SOX10: variants seen among roughly 807,000 people sequenced by gnomAD.
SOX10 encodes the protein transcription factor SOX-10.
In SOX10, 3 loss-of-function variants were observed where a neutral mutation model predicts 35.0. The observed-to-expected ratio is 0.09, with a 90% CI of 0.04 to 0.22. SOX10 has a LOEUF of 0.22. Among genes scored for constraint, SOX10 ranks in the 10% least tolerant of loss-of-function variants. The pLI is 1.00. For missense variants in SOX10, 436 were observed against 655.1 expected, an observed-to-expected ratio of 0.67 and a Z score of 3.65; for synonymous variants, 285 against 291.0, an observed-to-expected ratio of 0.98 and a Z score of 0.21.
intron 2 of SOX10, among the ~76,000 whole-genome samples, chr22:37,979,312 G>A (rs553949889): frequency 6.6e-6 from 1 of 151,960 alleles, no homozygotes; most frequent in Non-Finnish European, 1.5e-5. Flanking sequence ...TGGCCAGGCT[G>A]GTCTCCAACT....
rs927034516 is a variant in SOX10, at chr22:37,974,315, T to C, written c.698-117A>G. On this transcript the variant is annotated intron_variant, in intron 3 of 3. Transcript: ENST00000396884. The surrounding 1 kb of genome is among the most constrained non-coding windows in gnomAD (Gnocchi z 5.4). ...GCAGCGGGTGCCTCTGGGAAAACCTTGTAAGTTTCACATTTTGGCAGCATG... is the reference window on the plus strand; with the variant it reads ...GCAGCGGGTGCCTCTGGGAAAACCTCGTAAGTTTCACATTTTGGCAGCATG... The C allele has an allele frequency of 2.9e-5, 22 of 754,838 alleles. No homozygotes were observed. The highest frequency in any genetic ancestry group is 4.6e-5 in the Non-Finnish European group (21 of 461,478). 46.8% of individuals were successfully genotyped at this position (754,838 alleles called of 1,614,324 possible).
rs1307950608 is a variant in SOX10, at chr22:37,974,115, G to T, written c.781C>A (p.Arg261Ser). 1.2e-5 allele frequency: 19 copies of T among 1,613,192 alleles called. No homozygotes were observed. Among genetic ancestry groups the T allele is most frequent in the Non-Finnish European group, 1.6e-5 (19 of 1,179,990 alleles). The change falls in exon 4 of 4, where the codon CGC becomes AGC. Residue 261 changes from arginine (R) to serine (S), a missense_variant. Physicochemically the swap from Arg to Ser is moderately radical, Grantham distance 110. Coordinates refer to ENST00000396884, the MANE Select transcript of SOX10 (RefSeq NM_006941.4). The surrounding 1 kb of genome is among the most constrained non-coding windows in gnomAD (Gnocchi z 5.4). ...GGCTTCCCGCCCTCCCCCATGGAGC[G>T]CCCGTCCCGCTTCGGGTCTGCCTTG... is the stretch of plus-strand genomic sequence containing the variant. ...SGKADPKRDG[R>S]SMGEGGKPHI... is the part of the protein sequence containing the mutation.
chr22:37,983,815 G>C lies in SOX10; in HGVS notation c.-31C>G, dbSNP rs1412902206. On this transcript the variant is annotated 5_prime_UTR_variant, in exon 2 of 4. Transcript: ENST00000396884. This position sits in a 1 kb window ranked among gnomAD's most constrained non-coding sequence, Gnocchi z 9.5. Reference sequence around the variant, plus strand: ...CCCCGGCCGCCGCCGCCGCCGCCTCGGCCGCCTCCCCCGGGCCAGCCGCCG... The same window carrying C: ...CCCCGGCCGCCGCCGCCGCCGCCTCCGCCGCCTCCCCCGGGCCAGCCGCCG... The C allele has an allele frequency of 2.1e-6, 3 of 1,403,676 alleles. No homozygotes were observed. Among genetic ancestry groups the C allele is most frequent in the Non-Finnish European group, 1.9e-6 (2 of 1,077,118 alleles). The allele number at this position is 1,403,676 out of a possible 1,614,324, so 87.0% of individuals were successfully genotyped here.
rs1932084418 is a variant in SOX10 at position 37,972,312 on chromosome 22, T to C, written c.*1183A>G. 5.2e-6 allele frequency: 6 copies of C among 1,151,354 alleles called. No homozygotes were observed. The highest frequency in any genetic ancestry group is 7.1e-6 in the Non-Finnish European group (6 of 849,982). 71.3% of individuals were successfully genotyped at this position (1,151,354 alleles called of 1,614,324 possible). A position where few individuals can be genotyped will look rare whatever the true frequency, so the allele number is the denominator to read the frequency against. ...GGCCAGGTCAGGCTCACCAAGCAGG[T>C]AACCGGAACCTTTAATTTTATTATG... On this transcript the variant is annotated 3_prime_UTR_variant, in exon 4 of 4. Transcript: ENST00000396884.
At position 37,980,417 on chromosome 22, in the gene SOX10, G is replaced by T. The variant is rs1174144156; in HGVS notation, c.429-2282C>A. On this transcript the variant is annotated intron_variant, in intron 2 of 3. Coordinates refer to ENST00000396884, the MANE Select transcript of SOX10 (RefSeq NM_006941.4). This position sits in a 1 kb window ranked among gnomAD's most constrained non-coding sequence, Gnocchi z 4.1. ...AGCAAGAAAGTGACAGGGGCCAGAA[G>T]AGAGAGAGGATTCCAACATCGGATT... 6.6e-6 allele frequency among the ~76,000 whole-genome samples: 1 copy of T among 152,144 alleles called. No homozygotes were observed. The highest frequency in any genetic ancestry group is 1.5e-5 in the Non-Finnish European group (1 of 68,020).
Position 37,983,419 on chromosome 22 carries a change from G to T in SOX10, c.366C>A (p.Leu122=). The T allele has an allele frequency of 6.2e-7, 1 of 1,611,292 alleles. No homozygotes were observed. Among genetic ancestry groups the T allele is most frequent in the Non-Finnish European group, 8.5e-7 (1 of 1,179,180 alleles). Residue 122 remains leucine, a synonymous_variant, in exon 2 of 4, where the codon CTC becomes CTA. Coordinates refer to ENST00000396884, the MANE Select transcript of SOX10 (RefSeq NM_006941.4). This position sits in a 1 kb window ranked among gnomAD's most constrained non-coding sequence, Gnocchi z 9.5. ...MVWAQAARRK[L]ADQYPHLHNA... ...TGTGCAGGTGCGGGTACTGGTCCGCGAGCTTCCTGCGCGCTGCCTGAGCCC... is the reference window on the plus strand; with the variant it reads ...TGTGCAGGTGCGGGTACTGGTCCGCTAGCTTCCTGCGCGCTGCCTGAGCCC...
At chr22:37,979,346 C>T (rs1310521012) in intron 2 of SOX10, among the ~76,000 whole-genome samples, 1 of 152,180 alleles carries the variant, frequency 6.6e-6, no homozygotes, top group African/African-American at 2.4e-5. Flanking sequence ...GATCCACCCG[C>T]CTTGGCCTCC....
rs1932272069 is a variant in SOX10, at chr22:37,977,939, T to G, written c.625A>C (p.Ser209Arg). 1 of 1,612,582 alleles carries G rather than the reference T, an allele frequency of 6.2e-7. No homozygotes were observed. Among genetic ancestry groups the G allele is most frequent in the South Asian group, 1.1e-5 (1 of 91,062 alleles). The change falls in exon 3 of 4, where the codon AGC (serine) becomes CGC (arginine). Residue 209 changes from serine to arginine, a missense_variant. Coordinates refer to ENST00000396884, the MANE Select transcript of SOX10 (RefSeq NM_006941.4). ...GTAAIQAHYK[S>R]AHLDHRHPGE... Reference sequence around the variant, plus strand: ...GGGTGCCGGTGGTCCAAGTGGGCGCTCTTGTAGTGGGCCTGGATGGCGGCG... The same window carrying G: ...GGGTGCCGGTGGTCCAAGTGGGCGCGCTTGTAGTGGGCCTGGATGGCGGCG...
At chr22:37,981,926 A>G (rs372400251) in intron 2 of SOX10, among the ~76,000 whole-genome samples, 3 of 152,268 alleles carry the variant, frequency 2.0e-5, no homozygotes, top group African/African-American at 7.2e-5. Context: ...CAGCAAACAC[A>G]TGGCAAGAAC....
rs764463941 is a variant in SOX10, at chr22:37,973,471, G to C, written c.*24C>G. On this transcript the variant is annotated 3_prime_UTR_variant, in exon 4 of 4. Coordinates refer to ENST00000396884, the MANE Select transcript of SOX10 (RefSeq NM_006941.4). Reference sequence around the variant, plus strand: ...CAGGCTGGGGGCAGGGGCTGGGCGGGGGGTGGTGGCGACAGGGCCCCCTTT... The same window carrying C: ...CAGGCTGGGGGCAGGGGCTGGGCGGCGGGTGGTGGCGACAGGGCCCCCTTT... The C allele has an allele frequency of 1.4e-6, 2 of 1,455,006 alleles. No homozygotes were observed. The highest frequency in any genetic ancestry group is 1.2e-5 in the South Asian group (1 of 81,386). The allele number at this position is 1,455,006 out of a possible 1,614,324, so 90.1% of individuals were successfully genotyped here.
intron 2 of SOX10, among the ~76,000 whole-genome samples, chr22:37,981,008 C>T (rs1008236956): frequency 5.3e-5 from 8 of 152,318 alleles, no homozygotes; most frequent in South Asian, 2.1e-4. Context: ...ACAGGCACCA[C>T]CCTGTGATCA....
rs370570177 is a variant in SOX10 at position 37,973,348 on chromosome 22, A to C, written c.*147T>G. 1.3e-5 allele frequency: 8 copies of C among 615,528 alleles called. No homozygotes were observed. The highest frequency in any genetic ancestry group is 8.3e-5 in the East Asian group (3 of 36,206). 38.1% of individuals were successfully genotyped at this position (615,528 alleles called of 1,614,324 possible). On this transcript the variant is annotated 3_prime_UTR_variant, in exon 4 of 4. Coordinates refer to ENST00000396884, the MANE Select transcript of SOX10 (RefSeq NM_006941.4). ...GGGCGGGTGGGTCATCAGGGCAGTG[A>C]GCCAGACAGAAAGCCCCCCGACCTG...
At chr22:37,982,248 T>C (rs913932168) in intron 2 of SOX10, among the ~76,000 whole-genome samples, 1 of 152,088 alleles carries the variant, frequency 6.6e-6, no homozygotes, top group Non-Finnish European at 1.5e-5. Context: ...TGGCCCTGGC[T>C]CTGCTACCAA....
rs1932284539 is a variant in SOX10, at chr22:37,978,219, T to TTGG, written c.429-85_429-84insCCA. The TTGG allele has an allele frequency of 7.2e-7, 1 of 1,392,262 alleles. No individual in the cohort carries two copies. Among genetic ancestry groups the TTGG allele is most frequent in the African/African-American group, 1.4e-5 (1 of 69,044 alleles). The allele number at this position is 1,392,262 out of a possible 1,614,324, so 86.2% of individuals were successfully genotyped here. A position where few individuals can be genotyped will look rare whatever the true frequency, so the allele number is the denominator to read the frequency against. On this transcript the variant is annotated intron_variant, in intron 2 of 3. Transcript: ENST00000396884. The surrounding 1 kb of genome is among the most constrained non-coding windows in gnomAD (Gnocchi z 5.0). ...CTCCAGGTTGGCCTCCCTCTGAGTG[T>TTGG]CCATCTTGGAAGATGTGAGGCCCTG...
At chr22:37,975,046 G>A (rs1932183044) in intron 3 of SOX10, among the ~76,000 whole-genome samples, 2 of 152,160 alleles carry the variant, frequency 1.3e-5, no homozygotes, top group Admixed American at 6.5e-5. Context: ...GGCCTGTGTT[G>A]CCCTGTTGTT....
At chr22:37,981,096 G>A (rs1932381488) in intron 2 of SOX10, among the ~76,000 whole-genome samples, 1 of 152,200 alleles carries the variant, frequency 6.6e-6, no homozygotes, top group Non-Finnish European at 1.5e-5. Context: ...TTAGGACCTG[G>A]GCTCCAGTGT....
rs1932132749 is a variant in SOX10 at position 37,973,757 on chromosome 22, T to C, written c.1139A>G (p.Tyr380Cys). The change falls in exon 4 of 4, where the codon TAC (tyrosine) becomes TGC (cysteine). Residue 380 changes from tyrosine to cysteine, a missense_variant. Physicochemically the swap from Tyr to Cys is radical, Grantham distance 194. Around this residue, in one of 3 missense-constraint regions of SOX10, gnomAD observed 285 missense variants for 402.9 expected, o/e 0.71. Transcript: ENST00000396884. The part of the protein sequence containing the change: ...TDQPSTSQIA[Y>C]TSLSLPHYGS... The stretch of plus-strand genomic sequence containing the variant: ...ATAGTGGGGCAGGCTGAGGGAGGTG[T>C]AGGCGATCTGTGAGGTGGATGGCTG... 1 of 1,598,414 alleles carries C rather than the reference T, an allele frequency of 6.3e-7. No homozygotes were observed. Among genetic ancestry groups the C allele is most frequent in the Non-Finnish European group, 8.5e-7 (1 of 1,170,018 alleles).
In SOX10 at chr22:37,983,347, G is replaced by C. The variant is rs201638602; in HGVS notation, c.428+10C>G. ...GAGGGCCCGAGCCCGGGGGGCGGTC[G>C]GGTGCTCACCTCCAGAGCTTGCCCA... is the stretch of plus-strand genomic sequence containing the variant. On this transcript the variant is annotated intron_variant, in intron 2 of 3. Transcript: ENST00000396884. This position sits in a 1 kb window ranked among gnomAD's most constrained non-coding sequence, Gnocchi z 9.5. The C allele has an allele frequency of 2.9e-4, 467 of 1,603,374 alleles. 2 individuals are homozygous for C. In the East Asian group the frequency reaches 9.4e-3, roughly 32 times the overall value.
intron 2 of SOX10, among the ~76,000 whole-genome samples, chr22:37,979,868 C>CT (rs1187754981): frequency 1.3e-5 from 2 of 152,098 alleles, no homozygotes; most frequent in East Asian, 3.9e-4. Context: ...GCAGCCTTGT[C>CT]TGTCAGTCCA....
Sources: gnomAD v4.1 joint callset for allele counts (sites outside exome capture counted in the v4.1 genomes callset) on GRCh38, gnomAD v4.1.1 for gene constraint, gnomAD v4.1.1 regional missense constraint, Gnocchi (gnomAD v3.1) non-coding constraint, MANE v1.5 for transcripts, NCBI Gene and HGNC (gene_info 2026-07-23, HGNC 2026-07-21) for gene names.